LMTK2: variants seen among roughly 807,000 people sequenced by gnomAD.
LMTK2 encodes the protein serine/threonine-protein kinase LMTK2.
Under a neutral mutation model 127.5 loss-of-function variants are expected in LMTK2, and 37 were observed. The ratio of observed to expected loss-of-function variants is 0.29; its 90% confidence interval spans 0.22 to 0.38. The LOEUF is 0.38. Among genes scored for constraint, LMTK2 ranks in the 10% least tolerant of loss-of-function variants. LMTK2 has a pLI of 1.00. For missense variants in LMTK2, 1,694 were observed against 1,920.3 expected, an observed-to-expected ratio of 0.88 and a Z score of 2.20; for synonymous variants, 819 against 810.1, an observed-to-expected ratio of 1.01 and a Z score of -0.19.
chr7:98,190,016 A>AAAAAGGGG (rs902875549), intron 9 of LMTK2, among the ~76,000 whole-genome samples: 3 of 152,152 alleles, frequency 2.0e-5, no homozygotes, highest in African/African-American at 7.2e-5. Flanking sequence ...CCAAAAAAAA[A>AAAAAGGGG]AAATCAGAAT....
At chr7:98,116,425 C>CGT (rs61569698) in intron 1 of LMTK2, among the ~76,000 whole-genome samples, 27 of 146,706 alleles carry the variant, frequency 1.8e-4, no homozygotes, top group East Asian at 5.8e-4. Flanking sequence ...TGTGTTTGTG[C>CGT]GTGTGTGTGT....
chr7:98,145,609 T>C (rs577408683), intron 3 of LMTK2, among the ~76,000 whole-genome samples: 23 of 152,170 alleles, frequency 1.5e-4, no homozygotes, highest in Non-Finnish European at 2.6e-4. Flanking sequence ...GATCTTTTCT[T>C]TTCTCTCTGC....
At chr7:98,137,169 A>G (rs1167540775) in intron 1 of LMTK2, 146 bp from the exon 2 acceptor site, 1 of 706,286 alleles carries the variant, frequency 1.4e-6, no homozygotes, top group African/African-American at 1.8e-5. Context: ...GCAGCTTCTT[A>G]TCCTGGATGG....
rs746043031 is a variant in LMTK2 at position 98,193,572 on chromosome 7, A to T, written c.3107A>T (p.Asn1036Ile). Residue 1036 changes from asparagine (N) to isoleucine (I), a missense_variant, in exon 11 of 14, where the codon AAC (asparagine) becomes ATC (isoleucine). By Grantham distance (149) the Asn-to-Ile change is moderately radical. Coordinates refer to ENST00000297293, the MANE Select transcript of LMTK2 (RefSeq NM_014916.4). This position sits in a 1 kb window ranked among gnomAD's most constrained non-coding sequence, Gnocchi z 4.1. ...KPADSGYETE[N>I]LESPEWTLHP... ...GCAGACAGTGGCTACGAAACAGAGA[A>T]CTTGGAGTCTCCCGAGTGGACCTTG... 1 of 1,614,168 alleles carries T rather than the reference A, an allele frequency of 6.2e-7. No homozygotes were observed. Among genetic ancestry groups the T allele is most frequent in the East Asian group, 2.2e-5 (1 of 44,878 alleles).
At chr7:98,149,042 A>G (rs753053103) in intron 3 of LMTK2, among the ~76,000 whole-genome samples, 9 of 152,238 alleles carry the variant, frequency 5.9e-5, no homozygotes, top group Admixed American at 6.5e-5. Flanking sequence ...CCTAGGTGGC[A>G]GTAGCTTGTT....
intron 11 of LMTK2, among the ~76,000 whole-genome samples, chr7:98,199,369 CCTGTATTTTG>C (rs1797675856): frequency 1.3e-5 from 2 of 152,150 alleles, no homozygotes; most frequent in African/African-American, 4.8e-5. Context: ...ATTTTCGCTT[CCTGTATTTTG>C]CAGCTCTGTT....
chr7:98,164,690 G>C (rs1221864584), intron 6 of LMTK2, among the ~76,000 whole-genome samples: 1 of 151,224 alleles, frequency 6.6e-6, no homozygotes, highest in East Asian at 1.9e-4. Context: ...GTGGAGACAG[G>C]GGATGCTGTG....
chr7:98,129,209 C>T (rs904578102), intron 1 of LMTK2, among the ~76,000 whole-genome samples: 5 of 152,086 alleles, frequency 3.3e-5, no homozygotes, highest in African/African-American at 9.7e-5. Flanking sequence ...CTCAGCCTCT[C>T]GAGTAGCTGG....
At chr7:98,169,669 C>T (rs1797155637) in intron 6 of LMTK2, among the ~76,000 whole-genome samples, 1 of 152,128 alleles carries the variant, frequency 6.6e-6, no homozygotes, top group Admixed American at 6.5e-5. Context: ...TATGAAACTC[C>T]CAGCTGCCTG....
At chr7:98,112,576 G>T (rs888888172) in intron 1 of LMTK2, among the ~76,000 whole-genome samples, 7 of 152,220 alleles carry the variant, frequency 4.6e-5, no homozygotes, top group African/African-American at 9.6e-5. Context: ...GCACAGAAGA[G>T]AACTTCCCAT....
At chr7:98,122,398 T>C (rs1170967725) in intron 1 of LMTK2, among the ~76,000 whole-genome samples, 1 of 152,188 alleles carries the variant, frequency 6.6e-6, no homozygotes, top group Non-Finnish European at 1.5e-5. Context: ...CCGCAACTGC[T>C]GTAGGTCCCA....
At chr7:98,139,297 TAG>T (rs1796643730) in intron 2 of LMTK2, among the ~76,000 whole-genome samples, 1 of 152,166 alleles carries the variant, frequency 6.6e-6, no homozygotes, top group Non-Finnish European at 1.5e-5. Context: ...GTATTTTTTG[TAG>T]AGACAGGGTT....
chr7:98,158,944 G>T (rs961967949), intron 5 of LMTK2, among the ~76,000 whole-genome samples: 3 of 152,136 alleles, frequency 2.0e-5, no homozygotes, highest in Non-Finnish European at 4.4e-5. Context: ...TGTAATGCCA[G>T]CTATTTGGCC....
intron 7 of LMTK2, among the ~76,000 whole-genome samples, chr7:98,173,883 C>T (rs777398963): frequency 6.6e-6 from 1 of 152,016 alleles, no homozygotes. Context: ...GGTGAAACCC[C>T]GTCTCTACTA....
chr7:98,194,125 T>A lies in LMTK2; in HGVS notation c.3660T>A (p.Asp1220Glu). ...GCGATGACTTCGAGACACAGGACGATCGCCCCTGCACCCTCGCTTCCACGG... is the reference window on the plus strand; with the variant it reads ...GCGATGACTTCGAGACACAGGACGAACGCCCCTGCACCCTCGCTTCCACGG... ...SSGDDFETQDDRPCTLASTGT... is the reference protein window; with the variant it reads ...SSGDDFETQDERPCTLASTGT... The change falls in exon 11 of 14, where the codon GAT (aspartate) becomes GAA (glutamate). Residue 1220 changes from aspartate to glutamate, a missense_variant. Physicochemically the swap from Asp to Glu is conservative, Grantham distance 45 (BLOSUM62 2). This residue lies in a region of LMTK2 where 554 missense variants were observed against 567.7 expected (regional missense o/e 0.98). Transcript: ENST00000297293. This position sits in a 1 kb window ranked among gnomAD's most constrained non-coding sequence, Gnocchi z 5.4. 1 of 1,614,072 alleles carries A rather than the reference T, an allele frequency of 6.2e-7. No individual in the cohort carries two copies. Among genetic ancestry groups the A allele is most frequent in the Non-Finnish European group, 8.5e-7 (1 of 1,180,028 alleles).
At chr7:98,136,466 T>A (rs1448384793) in intron 1 of LMTK2, among the ~76,000 whole-genome samples, 3 of 152,232 alleles carry the variant, frequency 2.0e-5, no homozygotes, top group African/African-American at 7.2e-5. Flanking sequence ...TTTCTTCCCC[T>A]GATATTACTA....
intron 3 of LMTK2, among the ~76,000 whole-genome samples, chr7:98,144,530 C>T (rs140015313): frequency 6.6e-6 from 1 of 152,028 alleles, no homozygotes; most frequent in Non-Finnish European, 1.5e-5. Context: ...CCCTAAGTAA[C>T]AGCTGCACTG....
intron 1 of LMTK2, among the ~76,000 whole-genome samples, chr7:98,110,396 C>G (rs1796185373): frequency 6.6e-6 from 1 of 152,156 alleles, no homozygotes; most frequent in Non-Finnish European, 1.5e-5. Context: ...CCCGCCCCGT[C>G]TAGGAGCCTC....
intron 5 of LMTK2, among the ~76,000 whole-genome samples, chr7:98,156,792 G>A (rs1796931857): frequency 6.6e-6 from 1 of 152,200 alleles, no homozygotes; most frequent in Non-Finnish European, 1.5e-5. Flanking sequence ...GGAGGCTGGA[G>A]ACCCAGGGAA....
Sources: gnomAD v4.1 joint callset for allele counts (sites outside exome capture counted in the v4.1 genomes callset) on GRCh38, gnomAD v4.1.1 for gene constraint, gnomAD v4.1.1 regional missense constraint, Gnocchi (gnomAD v3.1) non-coding constraint, MANE v1.5 for transcripts, NCBI Gene and HGNC (gene_info 2026-07-23, HGNC 2026-07-21) for gene names.